The following TTC23 variants were observed in gnomAD, a reference collection of about 807,000 sequenced individuals.
TTC23 encodes the protein tetratricopeptide repeat domain 23.
Under a neutral mutation model 55.1 loss-of-function variants are expected in TTC23, and 58 were observed. That is an observed-to-expected ratio of 1.05 (90% CI 0.85 to 1.31). The LOEUF (loss-of-function observed/expected upper bound fraction) is 1.31. Ranked by LOEUF, TTC23 falls within the 50% of genes most tolerant of loss-of-function variation. The pLI, the probability that TTC23 is intolerant of heterozygous loss-of-function variation, is 0.00. For missense variants in TTC23, 516 were observed against 534.4 expected, an observed-to-expected ratio of 0.97 and a Z score of 0.34; for synonymous variants, 203 against 199.9, an observed-to-expected ratio of 1.02 and a Z score of -0.13.
intron 8 of TTC23, among the ~76,000 whole-genome samples, 164 bp downstream of exon 8, chr15:99,218,424 G>A (rs2077642565): frequency 6.6e-6 from 1 of 152,176 alleles, no homozygotes; most frequent in African/African-American, 2.4e-5. Flanking sequence ...TGCCCTGGTT[G>A]GGGCTGCTCT....
intron 12 of TTC23, among the ~76,000 whole-genome samples, chr15:99,152,836 C>T (rs1167528241): frequency 2.0e-5 from 3 of 151,208 alleles, no homozygotes; most frequent in Non-Finnish European, 3.0e-5. Flanking sequence ...CTCACTTTGT[C>T]ACTCAGGGTG....
chr15:99,243,089 T>C (rs927152766), intron 2 of TTC23, among the ~76,000 whole-genome samples: 13 of 152,198 alleles, frequency 8.5e-5, no homozygotes, highest in Middle Eastern at 3.4e-3. Context: ...AAAATATTTG[T>C]AAACTACCCA....
At chr15:99,163,931 C>T (rs2071715754) in intron 10 of TTC23, among the ~76,000 whole-genome samples, 1 of 152,202 alleles carries the variant, frequency 6.6e-6, no homozygotes, top group Non-Finnish European at 1.5e-5. Context: ...TGTTTTGTTA[C>T]AGCTTCCCAA....
intron 12 of TTC23, chr15:99,155,680 G>A (rs2070439753): frequency 1.2e-5 from 2 of 163,478 alleles, no homozygotes; most frequent in African/African-American, 4.8e-5. Flanking sequence ...GGTGTTATCT[G>A]AAGTCACTGG....
intron 1 of TTC23, among the ~76,000 whole-genome samples, chr15:99,247,737 T>TAGGATGATGAAAATTTTCTAAATTTTCA (rs2080378034): frequency 2.6e-5 from 4 of 151,884 alleles, no homozygotes; most frequent in African/African-American, 4.8e-5. Context: ...AGTATTTTTT[T>TAGGATGATGAAAATTTTCTAAATTTTCA]AGGATGATGA....
intron 10 of TTC23, among the ~76,000 whole-genome samples, chr15:99,174,317 A>G (rs1011036406): frequency 1.3e-5 from 2 of 152,038 alleles, no homozygotes; most frequent in Non-Finnish European, 2.9e-5. Context: ...TCCTGAATCA[A>G]CCCCATGCCT....
intron 10 of TTC23, among the ~76,000 whole-genome samples, chr15:99,168,976 C>A (rs1048837106): frequency 2.0e-5 from 3 of 152,104 alleles, no homozygotes; most frequent in Non-Finnish European, 4.4e-5. Context: ...TGACCCTGGA[C>A]CCTAATCCCC....
Position 99,175,165 on chromosome 15 carries a change from CAGAA to C in TTC23, c.760-14_760-11del, listed in dbSNP as rs141407504. The stretch of plus-strand genomic sequence containing the variant: ...GGATGATAAGATGTGCCTGTCACCA[CAGAA>C]AGAAGAAACATGTTGTTTACATACT... On this transcript the variant is annotated splice_polypyrimidine_tract_variant and intron_variant, in intron 9 of 13. Coordinates refer to ENST00000394132, the MANE Select transcript of TTC23 (RefSeq NM_001288615.3). The C allele has an allele frequency of 1.7e-3, 2,716 of 1,608,878 alleles. 39 individuals carry two copies. In the African/African-American group the frequency reaches 0.032, roughly 19 times the overall value.
intron 9 of TTC23, among the ~76,000 whole-genome samples, chr15:99,192,088 G>A (rs1208763940): frequency 1.3e-5 from 2 of 152,204 alleles, no homozygotes; most frequent in Admixed American, 1.3e-4. Flanking sequence ...TCTGGTGGAA[G>A]AAATTTCTAA....
At chr15:99,202,577 T>G (rs1468337675) in intron 8 of TTC23, among the ~76,000 whole-genome samples, 1 of 152,174 alleles carries the variant, frequency 6.6e-6, no homozygotes, top group African/African-American at 2.4e-5. Context: ...GAAAAGTGTT[T>G]GGGGGTTTGT....
intron 9 of TTC23, among the ~76,000 whole-genome samples, chr15:99,195,635 G>A (rs1440939840): frequency 6.6e-6 from 1 of 152,126 alleles, no homozygotes; most frequent in East Asian, 1.9e-4. Flanking sequence ...CACTCTGCGT[G>A]ATATTATAAT....
chr15:99,161,338 T>C (rs973096101), intron 11 of TTC23, among the ~76,000 whole-genome samples: 1 of 152,174 alleles, frequency 6.6e-6, no homozygotes, highest in African/African-American at 2.4e-5. Flanking sequence ...TACGAATCAA[T>C]ACTAAACAAC....
chr15:99,172,819 GTAT>G (rs944851532), intron 10 of TTC23, among the ~76,000 whole-genome samples: 3 of 152,146 alleles, frequency 2.0e-5, no homozygotes, highest in African/African-American at 7.2e-5. Flanking sequence ...TATCAAGTAG[GTAT>G]TATTATCATT....
At chr15:99,224,643 G>C (rs1372124685) in intron 5 of TTC23, among the ~76,000 whole-genome samples, 1 of 152,174 alleles carries the variant, frequency 6.6e-6, no homozygotes, top group Non-Finnish European at 1.5e-5. Context: ...TCCCACAAAT[G>C]GGATTGCTGT....
intron 10 of TTC23, 90 bp downstream of exon 10, chr15:99,174,960 G>A (rs2073372354): frequency 1.2e-5 from 13 of 1,052,476 alleles, no homozygotes; most frequent in Admixed American, 4.6e-5. Flanking sequence ...CCTGTGTCGC[G>A]GCTCTGTCCA....
At chr15:99,166,229 C>T (rs1476576994) in intron 10 of TTC23, among the ~76,000 whole-genome samples, 3 of 152,194 alleles carry the variant, frequency 2.0e-5, no homozygotes, top group Non-Finnish European at 2.9e-5. Flanking sequence ...ACAGCCGCAC[C>T]TCACATCTTT....
At chr15:99,228,781 T>C in intron 4 of TTC23, 49 bp from the exon 5 acceptor site, 1 of 1,393,784 alleles carries the variant, frequency 7.2e-7, no homozygotes, top group Non-Finnish European at 9.6e-7. Flanking sequence ...TTTCCATAGT[T>C]ACTTTTAGAA....
At chr15:99,194,058 A>T (rs1322838146) in intron 9 of TTC23, among the ~76,000 whole-genome samples, 2 of 152,168 alleles carry the variant, frequency 1.3e-5, no homozygotes, top group African/African-American at 4.8e-5. Flanking sequence ...AAAGTTTTGA[A>T]CTTTAGGAAC....
intron 12 of TTC23, chr15:99,155,778 A>G (rs1489949788): frequency 6.9e-6 from 2 of 289,546 alleles, no homozygotes; most frequent in African/African-American, 4.3e-5. Flanking sequence ...TCCTCATGCC[A>G]TCCACACAAA....
Sources: allele counts gnomAD v4.1 joint callset (sites outside exome capture counted in the v4.1 genomes callset), GRCh38; gene constraint gnomAD v4.1.1; transcripts MANE v1.5; gene names NCBI Gene and HGNC (gene_info 2026-07-23, HGNC 2026-07-21).